MYO1H: variants seen among roughly 807,000 people sequenced by gnomAD.
The protein encoded by MYO1H is myosin IH, also known as unconventional myosin-Ih.
MYO1H carries 118 observed loss-of-function variants against 149.3 expected under a neutral mutation model. The observed-to-expected ratio is 0.79, with a 90% confidence interval of 0.68 to 0.92. The LOEUF (loss-of-function observed/expected upper bound fraction) is 0.92, where lower values mean the gene tolerates loss of function less well. Ranked by LOEUF, MYO1H falls within the 40% of genes least tolerant of loss-of-function variation. MYO1H has a pLI of 0.00. For synonymous variants in MYO1H, 447 were observed against 465.2 expected, an observed-to-expected ratio of 0.96 and a Z score of 0.50; for missense variants, 1,212 against 1,280.7, an observed-to-expected ratio of 0.95 and a Z score of 0.82.
chr12:109,377,618 T>G (rs1477424646), intron 1 of MYO1H, among the ~76,000 whole-genome samples: 1 of 152,254 alleles, frequency 6.6e-6, no homozygotes, highest in Non-Finnish European at 1.5e-5. Flanking sequence ...ACCACCAATC[T>G]GCATTCTGCC....
chr12:109,373,761 C>T (rs1441383045), intron 1 of MYO1H, among the ~76,000 whole-genome samples: 1 of 152,160 alleles, frequency 6.6e-6, no homozygotes, highest in Non-Finnish European at 1.5e-5. Context: ...AACAAACACT[C>T]ATATGCCTCC....
chr12:109,426,329 C>T (rs148850224), intron 18 of MYO1H, among the ~76,000 whole-genome samples: 107 of 152,148 alleles, frequency 7.0e-4, no homozygotes, highest in African/African-American at 1.4e-3. Context: ...ACAAAAAATG[C>T]GAAAATTAGC....
intron 1 of MYO1H, among the ~76,000 whole-genome samples, chr12:109,376,231 T>G (rs6606704): frequency 3.3e-5 from 5 of 151,972 alleles, no homozygotes; most frequent in Non-Finnish European, 4.4e-5. Context: ...GAAAAGAAAT[T>G]TCATGCCCTT....
chr12:109,409,240 C>CTTTTTTTT (rs1870542742), intron 10 of MYO1H, among the ~76,000 whole-genome samples: 1 of 91,030 alleles, frequency 1.1e-5, no homozygotes, highest in Non-Finnish European at 2.0e-5. Context: ...TCTTCTTCTT[C>CTTTTTTTT]TTCTTCTTTT....
At chr12:109,373,862 C>T (rs1390870848) in intron 1 of MYO1H, among the ~76,000 whole-genome samples, 2 of 152,146 alleles carry the variant, frequency 1.3e-5, no homozygotes, top group African/African-American at 2.4e-5. Context: ...TGGCACATAC[C>T]TGTAATCCCA....
At chr12:109,444,372 A>G (rs1272304530) in intron 29 of MYO1H, 60 bp from the exon 30 acceptor site, 1 of 1,567,304 alleles carries the variant, frequency 6.4e-7, no homozygotes, top group African/African-American at 1.4e-5. Flanking sequence ...TCTCTATTGG[A>G]GTGTCTGTTT....
chr12:109,380,422 A>G (rs1037122938), intron 1 of MYO1H, among the ~76,000 whole-genome samples: 2 of 152,214 alleles, frequency 1.3e-5, no homozygotes, highest in Admixed American at 6.5e-5. Context: ...GAGATTGACT[A>G]TTTCAAGGGA....
At chr12:109,353,425 G>C (rs1332509502) in intron 1 of MYO1H, among the ~76,000 whole-genome samples, 2 of 123,094 alleles carry the variant, frequency 1.6e-5, no homozygotes, top group Non-Finnish European at 3.5e-5. Context: ...AAAAATTGTG[G>C]TTATAGAACT....
intron 18 of MYO1H, among the ~76,000 whole-genome samples, chr12:109,426,462 G>T (rs1004936085): frequency 2.6e-5 from 4 of 152,074 alleles, no homozygotes; most frequent in Admixed American, 2.0e-4. Flanking sequence ...GGAGTTCAAG[G>T]CTGCAGTGAG....
chr12:109,417,826 T>TTTTGTTTTG (rs145669792), intron 15 of MYO1H, among the ~76,000 whole-genome samples: 2 of 125,658 alleles, frequency 1.6e-5, no homozygotes, highest in Admixed American at 7.7e-5. Flanking sequence ...TTTTGTTTTG[T>TTTTGTTTTG]TTTTTTTGAG....
At chr12:109,338,120 G>C in the MYO1H span, among the ~76,000 whole-genome samples, 1 of 152,132 alleles carries the variant, frequency 6.6e-6, no homozygotes, top group African/African-American at 2.4e-5. Flanking sequence ...CCAGGCTGGA[G>C]TGTGGTGGCG....
chr12:109,393,539 TCATCCATCCATCCATC>T (rs71079557), intron 3 of MYO1H, 93 bp downstream of exon 3: 7 of 680,978 alleles, frequency 1.0e-5, no homozygotes, highest in Middle Eastern at 2.5e-4. Context: ...GTCCATCCAT[TCATCCATCCATCCATC>T]CATCCATCCA....
At chr12:109,328,159 T>C in the MYO1H span, among the ~76,000 whole-genome samples, 4 of 147,202 alleles carry the variant, frequency 2.7e-5, no homozygotes, top group South Asian at 8.6e-4. Context: ...TATATATGCG[T>C]GTGTGTGTGT....
chr12:109,372,756 T>G (rs1040055031), intron 1 of MYO1H, among the ~76,000 whole-genome samples: 3 of 152,022 alleles, frequency 2.0e-5, no homozygotes, highest in Non-Finnish European at 4.4e-5. Flanking sequence ...CTTACTTATT[T>G]TTCTATATGA....
At chr12:109,335,449 C>T in the MYO1H span, among the ~76,000 whole-genome samples, 1 of 152,150 alleles carries the variant, frequency 6.6e-6, no homozygotes, top group Non-Finnish European at 1.5e-5. Context: ...GCCCCACCCC[C>T]AGCATTGGGG....
intron 28 of MYO1H, 37 bp downstream of exon 28, chr12:109,443,686 T>A: frequency 6.2e-7 from 1 of 1,609,354 alleles, no homozygotes; most frequent in East Asian, 2.2e-5. Flanking sequence ...ATGCACTGAG[T>A]TGACTCAACT....
At chr12:109,434,683 C>CA (rs941793397) in intron 20 of MYO1H, among the ~76,000 whole-genome samples, 14 of 152,094 alleles carry the variant, frequency 9.2e-5, no homozygotes, top group Non-Finnish European at 1.8e-4. Flanking sequence ...GCCAGAAATC[C>CA]AAAAATCAAG....
intron 3 of MYO1H, among the ~76,000 whole-genome samples, chr12:109,395,379 G>A (rs1444911280): frequency 2.0e-5 from 3 of 152,168 alleles, no homozygotes; most frequent in Non-Finnish European, 4.4e-5. Context: ...ATGTAACTTA[G>A]TAGCTGGCTT....
chr12:109,318,978 T>TTTGTTTG, the MYO1H span, among the ~76,000 whole-genome samples: 8 of 111,674 alleles, frequency 7.2e-5, no homozygotes, highest in East Asian at 2.1e-4. Context: ...TTTTGTTTTT[T>TTTGTTTG]TTTTTTTTTT....
Sources: allele counts gnomAD v4.1 joint callset (sites outside exome capture counted in the v4.1 genomes callset), GRCh38; gene constraint gnomAD v4.1.1; transcripts MANE v1.5; gene names NCBI Gene and HGNC (gene_info 2026-07-23, HGNC 2026-07-21).